HSDL1: variants seen among roughly 807,000 people sequenced by gnomAD.
HSDL1 encodes hydroxysteroid dehydrogenase like 1.
A neutral mutation model predicts 31.5 loss-of-function variants in HSDL1; 29 were observed. The observed-to-expected ratio is 0.92, with a 90% CI of 0.69 to 1.26. The LOEUF (loss-of-function observed/expected upper bound fraction) is 1.26. Among genes scored for constraint, HSDL1 ranks in the 50% most tolerant of loss-of-function variants. The probability of loss-of-function intolerance (pLI) is 0.00; values close to 1 mark genes in which losing one functional copy is unlikely to be tolerated. For synonymous variants in HSDL1, 222 were observed against 155.2 expected, an observed-to-expected ratio of 1.43 and a Z score of -3.20; for missense variants, 503 against 416.6, an observed-to-expected ratio of 1.21 and a Z score of -1.81.
chr16:84,126,143 A>G (rs1208986934), intron 5 of HSDL1, among the ~76,000 whole-genome samples: 1 of 152,070 alleles, frequency 6.6e-6, no homozygotes, highest in Non-Finnish European at 1.5e-5. Flanking sequence ...TTATAGGAAT[A>G]AATCAGTTGG....
In HSDL1 at chr16:84,142,598, G is replaced by A. The variant is rs138571694; in HGVS notation, c.-69+2482C>T. Among the ~76,000 whole-genome samples the A allele has an allele frequency of 3.9e-5, 6 of 151,906 alleles. No homozygotes were observed. In the East Asian group the frequency reaches 1.2e-3, roughly 30 times the overall value. Reference sequence around the variant, plus strand: ...CTACAGGCGTGTGCCACCATGCCTGGCTAATTTTTGTATTTTTTTCTTTTT... The same window carrying A: ...CTACAGGCGTGTGCCACCATGCCTGACTAATTTTTGTATTTTTTTCTTTTT... On this transcript the variant is annotated intron_variant, in intron 1 of 5. Transcript: ENST00000219439.
chr16:84,129,883 C>T, intron 4 of HSDL1, 103 bp downstream of exon 4: 1 of 1,399,742 alleles, frequency 7.1e-7, no homozygotes, highest in Non-Finnish European at 9.9e-7. Flanking sequence ...ACAGGATAAG[C>T]ATATGTGAGT....
Position 84,130,742 on chromosome 16 carries a change from T to C in HSDL1, c.221-311A>G, listed in dbSNP as rs182677348. 2.2e-3 allele frequency among the ~76,000 whole-genome samples: 331 copies of C among 152,354 alleles called. 3 individuals carry two copies. The highest frequency in any genetic ancestry group is 7.3e-3 in the African/African-American group (303 of 41,578). ...GAATGAGTGGCAGGAGGTGCTTTTC[T>C]GGGAAATCTTCATAAATTAAAATGA... On this transcript the variant is annotated intron_variant, in intron 3 of 5. Coordinates refer to ENST00000219439, the MANE Select transcript of HSDL1 (RefSeq NM_031463.5).
rs762363601 is a variant in HSDL1 at position 84,124,585 on chromosome 16, G to A, written c.*45C>T. The A allele has an allele frequency of 1.2e-5, 13 of 1,118,980 alleles. No homozygotes were observed. The highest frequency in any genetic ancestry group is 2.4e-5 in the East Asian group (1 of 42,482). The allele number at this position is 1,118,980 out of a possible 1,614,324, so 69.3% of individuals were successfully genotyped here. On this transcript the variant is annotated 3_prime_UTR_variant, in exon 6 of 6. Coordinates refer to ENST00000219439, the MANE Select transcript of HSDL1 (RefSeq NM_031463.5). The stretch of plus-strand genomic sequence containing the variant: ...GTGTTTTTCCAAATGTCAGAATATC[G>A]AGGTTCCCAGGAGTTGGCAAAACTT...
Position 84,123,801 on chromosome 16 carries a change from C to G in HSDL1, c.*829G>C, listed in dbSNP as rs2086577186. ...TATCCACAAGAATTGCCTTATAAAT[C>G]AAAAGATGACTGCAGGTTTCTCTTA... On this transcript the variant is annotated 3_prime_UTR_variant, in exon 6 of 6. Transcript: ENST00000219439. The G allele has an allele frequency of 6.6e-6, 1 of 152,234 alleles. No individual in the cohort carries two copies. The highest frequency in any genetic ancestry group is 1.5e-5 in the Non-Finnish European group (1 of 68,014). 9.4% of individuals were successfully genotyped at this position (152,234 alleles called of 1,614,324 possible). A position where few individuals can be genotyped will look rare whatever the true frequency, so the allele number is the denominator to read the frequency against.
chr16:84,143,007 C>G (rs757374705), intron 1 of HSDL1, among the ~76,000 whole-genome samples: 2 of 152,182 alleles, frequency 1.3e-5, no homozygotes. Context: ...GAATTAGAAA[C>G]CTGGATTCTC....
intron 2 of HSDL1, 109 bp from the exon 3 acceptor site, chr16:84,131,436 C>G (rs990090604): frequency 4.1e-6 from 3 of 736,370 alleles, no homozygotes; most frequent in Middle Eastern, 3.9e-4. Flanking sequence ...GTCAATTGTA[C>G]GTTCAAATAA....
intron 1 of HSDL1, among the ~76,000 whole-genome samples, chr16:84,143,213 A>C (rs1026873467): frequency 3.3e-5 from 5 of 152,238 alleles, no homozygotes; most frequent in African/African-American, 1.2e-4. Flanking sequence ...TCCATCAACA[A>C]ATGAATGAAT....
chr16:84,129,831 A>T, intron 4 of HSDL1, 56 bp from the exon 5 acceptor site: 1 of 1,500,210 alleles, frequency 6.7e-7, no homozygotes, highest in Non-Finnish European at 9.1e-7. Flanking sequence ...TTGAAAATTC[A>T]GGAGAAAAAA....
Position 84,131,232 on chromosome 16 carries a change from G to C in HSDL1, c.90C>G (p.Ala30=), listed in dbSNP as rs2086661433. 6.2e-7 allele frequency: 1 copy of C among 1,613,968 alleles called. No individual in the cohort carries two copies. The highest frequency in any genetic ancestry group is 1.3e-5 in the African/African-American group (1 of 74,900). The change falls in exon 3 of 6, where the codon GCC becomes GCG. Residue 30 remains alanine, a synonymous_variant. Coordinates refer to ENST00000219439, the MANE Select transcript of HSDL1 (RefSeq NM_031463.5). ...TGATGCTTTTTCTGGCCGTATACCA[G>C]GCTCCAACCAAAGCTAGAGCTTCCA... ...CYMEALALVG[A]WYTARKSITV... is the part of the protein sequence containing the mutation.
chr16:84,129,925 A>G, intron 4 of HSDL1, 61 bp downstream of exon 4: 2 of 1,540,030 alleles, frequency 1.3e-6, no homozygotes, highest in Non-Finnish European at 1.8e-6. Flanking sequence ...ATCAGACCAA[A>G]CAACTGTTAA....
chr16:84,128,937 A>G (rs1370862234), intron 5 of HSDL1, among the ~76,000 whole-genome samples: 2 of 152,100 alleles, frequency 1.3e-5, no homozygotes, highest in East Asian at 3.9e-4. Flanking sequence ...CGAACTCCTG[A>G]CCTTAGGTGA....
At chr16:84,132,629 G>T (rs1158146314) in intron 2 of HSDL1, among the ~76,000 whole-genome samples, 1 of 152,262 alleles carries the variant, frequency 6.6e-6, no homozygotes, top group East Asian at 1.9e-4. Flanking sequence ...ACCGTCCCTA[G>T]GTGAAGACGC....
intron 1 of HSDL1, among the ~76,000 whole-genome samples, chr16:84,137,644 G>A (rs2086724991): frequency 6.6e-6 from 1 of 152,206 alleles, no homozygotes; most frequent in Non-Finnish European, 1.5e-5. Context: ...ACACCCTGAT[G>A]GGCCAAAGAT....
In HSDL1 at chr16:84,130,506, T is replaced by A. The variant is rs532482048; in HGVS notation, c.221-75A>T. 16 of 1,266,166 alleles carry A rather than the reference T, an allele frequency of 1.3e-5. No individual in the cohort carries two copies. In the African/African-American group the frequency reaches 2.4e-4, roughly 19 times the overall value. 78.4% of individuals were successfully genotyped at this position (1,266,166 alleles called of 1,614,324 possible). On this transcript the variant is annotated intron_variant, in intron 3 of 5. Transcript: ENST00000219439. ...CTTAAAATGGACCCAAAGTACCCCCTGTCAGGTTTAGTCAGAGAAAAATTC... is the reference window on the plus strand; with the variant it reads ...CTTAAAATGGACCCAAAGTACCCCCAGTCAGGTTTAGTCAGAGAAAAATTC...
At chr16:84,135,113 G>T (rs1443394019) in intron 2 of HSDL1, among the ~76,000 whole-genome samples, 1 of 152,022 alleles carries the variant, frequency 6.6e-6, no homozygotes, top group Non-Finnish European at 1.5e-5. Flanking sequence ...GGCACCTGTA[G>T]TCCCAGCTAC....
At chr16:84,126,267 T>C (rs1187502026) in intron 5 of HSDL1, among the ~76,000 whole-genome samples, 3 of 152,096 alleles carry the variant, frequency 2.0e-5, no homozygotes, top group Admixed American at 1.3e-4. Context: ...CTTGGGATGG[T>C]ATCTTGACCT....
rs1394565814 is a variant in HSDL1, at chr16:84,130,006, C to A, written c.646G>T (p.Ala216Ser). 1 of 1,612,952 alleles carries A rather than the reference C, an allele frequency of 6.2e-7. No individual in the cohort carries two copies. The highest frequency in any genetic ancestry group is 8.5e-7 in the Non-Finnish European group (1 of 1,179,272). The change falls in exon 4 of 6, where the codon GCT becomes TCT. Residue 216 changes from alanine (A) to serine (S), a missense_variant. Ala to Ser is a moderately conservative substitution (Grantham distance 99). Transcript: ENST00000219439. The part of the protein sequence containing the change: ...GSCCKPTPQL[A>S]AFSASKAYLD... ...CTGACCTTAGAAGCAGAAAATGCAG[C>A]CAGCTGAGGAGTGGGTTTGCAGCAG... is the stretch of plus-strand genomic sequence containing the variant.
At chr16:84,132,755 C>T (rs1207704255) in intron 2 of HSDL1, among the ~76,000 whole-genome samples, 4 of 152,006 alleles carry the variant, frequency 2.6e-5, no homozygotes, top group African/African-American at 7.3e-5. Context: ...GGCCACAGAC[C>T]GAGTGAGTGG....
Sources: allele counts gnomAD v4.1 joint callset (sites outside exome capture counted in the v4.1 genomes callset), GRCh38; gene constraint gnomAD v4.1.1; transcripts MANE v1.5; gene names NCBI Gene and HGNC (gene_info 2026-07-23, HGNC 2026-07-21).